BARD1: variants seen among roughly 807,000 people sequenced by gnomAD.
The protein encoded by BARD1 is BRCA1 associated RING domain 1.
In BARD1, 73 loss-of-function variants were observed where a neutral mutation model predicts 77.0. The observed-to-expected ratio is 0.95, with a 90% confidence interval of 0.79 to 1.15. The LOEUF is 1.15. BARD1 is among the 50% of genes most tolerant of loss of function. BARD1 has a pLI of 0.00. For missense variants in BARD1, 993 were observed against 938.8 expected (o/e 1.06, Z -0.75); for synonymous variants, 384 against 338.0 (o/e 1.14, Z -1.49).
intron 7 of BARD1, among the ~76,000 whole-genome samples, chr2:214,748,655 A>G (rs1034650930): frequency 1.3e-5 from 2 of 152,140 alleles, no homozygotes; most frequent in African/African-American, 4.8e-5. Flanking sequence ...GCAGATTTCC[A>G]ACAGCCACTA....
At chr2:214,770,281 C>T (rs190812543) in intron 4 of BARD1, among the ~76,000 whole-genome samples, 1 of 152,300 alleles carries the variant, frequency 6.6e-6, no homozygotes, top group East Asian at 1.9e-4. Context: ...TTCAACTATA[C>T]GAAATAGAGC....
intron 4 of BARD1, among the ~76,000 whole-genome samples, chr2:214,778,899 C>A (rs556403436): frequency 6.6e-6 from 1 of 152,132 alleles, no homozygotes; most frequent in East Asian, 1.9e-4. Flanking sequence ...GCCTGATAGT[C>A]CAAAAATTTC....
At chr2:214,804,562 G>A (rs1453808679) in intron 1 of BARD1, among the ~76,000 whole-genome samples, 2 of 152,166 alleles carry the variant, frequency 1.3e-5, no homozygotes, top group African/African-American at 4.8e-5. Flanking sequence ...ACTTCATCCA[G>A]TGGACACAAA....
intron 3 of BARD1, 72 bp downstream of exon 3, chr2:214,792,225 A>G: frequency 2.8e-6 from 4 of 1,417,672 alleles, no homozygotes; most frequent in South Asian, 1.2e-5. Context: ...GATGTTTTAT[A>G]TACTTTATGA....
rs185615288 is a variant in BARD1, at chr2:214,756,442, T to C, written c.1569-3887A>G. 7.9e-5 allele frequency among the ~76,000 whole-genome samples: 12 copies of C among 152,234 alleles called. No individual in the cohort carries two copies. The East Asian group carries it at 2.3e-3, about 29-fold the overall frequency. ...TGGAGATTCCTTAAAGAACTAAAAGTAGAGCTACCATTTGATCCAGCAATC... is the reference window on the plus strand; with the variant it reads ...TGGAGATTCCTTAAAGAACTAAAAGCAGAGCTACCATTTGATCCAGCAATC... On this transcript the variant is annotated intron_variant, in intron 6 of 10. Coordinates refer to ENST00000260947, the MANE Select transcript of BARD1 (RefSeq NM_000465.4).
chr2:214,805,452 C>A (rs1696226123), intron 1 of BARD1, among the ~76,000 whole-genome samples: 1 of 152,130 alleles, frequency 6.6e-6, no homozygotes, highest in Admixed American at 6.5e-5. Context: ...GTGAGAATGC[C>A]TCTGAACATT....
intron 3 of BARD1, among the ~76,000 whole-genome samples, chr2:214,785,018 A>C (rs981802168): frequency 1.7e-3 from 48 of 29,034 alleles, no homozygotes; most frequent in African/African-American, 3.8e-3. Context: ...CAGAAATTAT[A>C]GTTAAAAAAA....
At chr2:214,756,852 A>G (rs1281015377) in intron 6 of BARD1, among the ~76,000 whole-genome samples, 1 of 152,172 alleles carries the variant, frequency 6.6e-6, no homozygotes, top group Admixed American at 6.5e-5. Flanking sequence ...GTGGTGAAGG[A>G]TAAAAGACTA....
intron 2 of BARD1, chr2:214,796,776 A>T (rs1695772020): frequency 2.7e-6 from 1 of 368,108 alleles, no homozygotes; most frequent in Non-Finnish European, 4.9e-6. Flanking sequence ...ATTTAAAAAC[A>T]TCTATTTGAA....
chr2:214,728,733 A>G lies in BARD1; in HGVS notation c.2277T>C (p.Pro759=), dbSNP rs766070611. 1 of 1,614,238 alleles carries G rather than the reference A, an allele frequency of 6.2e-7. No individual in the cohort carries two copies. The highest frequency in any genetic ancestry group is 2.2e-5 in the East Asian group (1 of 44,884). The change falls in exon 11 of 11, where the codon CCT becomes CCC. Residue 759 remains proline, a synonymous_variant. Transcript: ENST00000260947. ...TCACACAGTCTATAAACCAGCTCGA[A>G]GGAGCCTTCCAGACTTTGCCCTGCC... ...RVRQGKVWKA[P]SSWFIDCVMS...
In BARD1 at chr2:214,768,573, GA is replaced by G. The variant is rs1181081866; in HGVS notation, c.1395+658del. 7.6e-3 allele frequency among the ~76,000 whole-genome samples: 3 copies of G among 396 alleles called. No individual in the cohort carries two copies. In the East Asian group the frequency reaches 0.15, roughly 20 times the overall value. 0.3% of individuals were successfully genotyped at this position (396 alleles called of 152,430 possible). A position where few individuals can be genotyped will look rare whatever the true frequency, so the allele number is the denominator to read the frequency against. On this transcript the variant is annotated intron_variant, in intron 5 of 10. Transcript: ENST00000260947. ...CTGAGAGTCTCCTAATTTCTGGGCT[GA>G]ATTTCTAGTTACAGGATGAAGGCAT...
chr2:214,765,125 T>C (rs927805090), intron 6 of BARD1, among the ~76,000 whole-genome samples: 9 of 152,230 alleles, frequency 5.9e-5, no homozygotes, highest in African/African-American at 2.2e-4. Context: ...TAGCTAATTT[T>C]CAAGTGTTCA....
At chr2:214,758,177 G>A (rs1693786318) in intron 6 of BARD1, among the ~76,000 whole-genome samples, 2 of 152,152 alleles carry the variant, frequency 1.3e-5, no homozygotes, top group African/African-American at 4.8e-5. Flanking sequence ...TACCGAATAA[G>A]ACTGCCTGAA....
At chr2:214,739,000 T>C (rs1035331086) in intron 9 of BARD1, among the ~76,000 whole-genome samples, 1 of 151,578 alleles carries the variant, frequency 6.6e-6, no homozygotes, top group Non-Finnish European at 1.5e-5. Context: ...AAAAAAAAAA[T>C]TAGCCAGGCA....
intron 4 of BARD1, among the ~76,000 whole-genome samples, chr2:214,770,289 A>T (rs1390232484): frequency 6.6e-6 from 1 of 152,236 alleles, no homozygotes; most frequent in Non-Finnish European, 1.5e-5. Context: ...TACGAAATAG[A>T]GCTTCTGTAA....
intron 10 of BARD1, 61 bp downstream of exon 10, chr2:214,730,347 CTGA>C (rs1229965011): frequency 7.7e-6 from 11 of 1,425,606 alleles, no homozygotes; most frequent in Non-Finnish European, 9.9e-6. Context: ...GAAGTTCTTC[CTGA>C]TGGTGATAAT....
chr2:214,736,632 T>C (rs1214550675), intron 9 of BARD1, among the ~76,000 whole-genome samples: 8 of 152,130 alleles, frequency 5.3e-5, no homozygotes. Context: ...ATGGCATCTA[T>C]TCCTCCTGAA....
intron 9 of BARD1, among the ~76,000 whole-genome samples, chr2:214,740,198 T>G (rs1183746689): frequency 6.6e-6 from 1 of 152,072 alleles, no homozygotes; most frequent in East Asian, 1.9e-4. Flanking sequence ...AATTCTGTTC[T>G]GATTAGGACA....
intron 3 of BARD1, among the ~76,000 whole-genome samples, chr2:214,789,163 T>C (rs7587476): frequency 0.73 from 111,432 of 152,032 alleles, 41,153 homozygotes; most frequent in East Asian, 0.79. Flanking sequence ...TTTAAGAAGG[T>C]CTATGAATGC....
Sources: gnomAD v4.1 joint callset for allele counts (sites outside exome capture counted in the v4.1 genomes callset) on GRCh38, gnomAD v4.1.1 for gene constraint, MANE v1.5 for transcripts, NCBI Gene and HGNC (gene_info 2026-07-23, HGNC 2026-07-21) for gene names.